PCDHA1: variants seen among roughly 807,000 people sequenced by gnomAD.
The protein encoded by PCDHA1 is protocadherin alpha 1.
In PCDHA1, 42 loss-of-function variants were observed where a neutral mutation model predicts 61.3. The ratio of observed to expected loss-of-function variants is 0.69; its 90% CI spans 0.54 to 0.89. The LOEUF (loss-of-function observed/expected upper bound fraction) is 0.89, where lower values mean the gene tolerates loss of function less well. PCDHA1 is among the 40% of genes least tolerant of loss of function. PCDHA1 has a pLI of 0.00. For synonymous variants in PCDHA1, 610 were observed against 553.8 expected (o/e 1.10, Z -1.43); for missense variants, 1,256 against 1,235.3 (o/e 1.02, Z -0.25).
At chr5:140,971,034 A>G (rs576529050) in intron 1 of PCDHA1, among the ~76,000 whole-genome samples, 1 of 152,202 alleles carries the variant, frequency 6.6e-6, no homozygotes, top group Non-Finnish European at 1.5e-5. Context: ...ATTTGAAAGC[A>G]CGTAAAAGGG....
At chr5:140,837,357 C>A (rs2150274946) in intron 1 of PCDHA1, among the ~76,000 whole-genome samples, 2 of 151,850 alleles carry the variant, frequency 1.3e-5, no homozygotes, top group Non-Finnish European at 2.9e-5. Context: ...GTTTAAATGG[C>A]AGTTTAATAG....
intron 3 of PCDHA1, among the ~76,000 whole-genome samples, chr5:141,005,648 G>A (rs1354125322): frequency 7.4e-6 from 1 of 135,988 alleles, no homozygotes; most frequent in Non-Finnish European, 1.5e-5. Flanking sequence ...CTTGCAGTGA[G>A]TCGAGATCGC....
At chr5:140,838,084 GT>G (rs1775513754) in intron 1 of PCDHA1, among the ~76,000 whole-genome samples, 1 of 31,456 alleles carries the variant, frequency 3.2e-5, no homozygotes, top group Non-Finnish European at 6.5e-5. Flanking sequence ...TATAGTGTGT[GT>G]GTGTGTGTGT....
intron 1 of PCDHA1, chr5:140,968,382 A>G: frequency 6.2e-7 from 1 of 1,614,050 alleles, no homozygotes; most frequent in Non-Finnish European, 8.5e-7. Flanking sequence ...TCCTTTGACT[A>G]TGAGAAGTTT....
intron 1 of PCDHA1, chr5:140,856,360 C>G: frequency 6.3e-7 from 1 of 1,598,550 alleles, no homozygotes; most frequent in Non-Finnish European, 8.6e-7. Flanking sequence ...GCAGCATCCA[C>G]CTGGAGGTGA....
At chr5:140,875,868 G>A (rs781927681) in intron 1 of PCDHA1, 3 of 1,614,210 alleles carry the variant, frequency 1.9e-6, no homozygotes, top group Non-Finnish European at 8.5e-7. Context: ...ACCCGCCGGT[G>A]TTCAGAGAAA....
chr5:140,939,488 T>C (rs1554212750), intron 1 of PCDHA1, among the ~76,000 whole-genome samples: 1 of 151,188 alleles, frequency 6.6e-6, no homozygotes, highest in Non-Finnish European at 1.5e-5. Flanking sequence ...AGAATGTTAA[T>C]TATAAATTCA....
At chr5:140,941,194 TCTTTCTTCC>T (rs781813612) in intron 1 of PCDHA1, among the ~76,000 whole-genome samples, 93 of 112,424 alleles carry the variant, frequency 8.3e-4, no homozygotes, top group South Asian at 2.2e-3. Flanking sequence ...TCTTTTTTTT[TCTTTCTTCC>T]TTTCTTTCTT....
chr5:140,843,522 C>A lies in PCDHA1; in HGVS notation c.2394+54838C>A, dbSNP rs1554140167. 1.9e-6 allele frequency: 3 copies of A among 1,595,678 alleles called. No individual in the cohort carries two copies. In the South Asian group the frequency reaches 3.3e-5, roughly 18 times the overall value. On this transcript the variant is annotated intron_variant, in intron 1 of 3. Transcript: ENST00000504120. ...CTGCCCACTGAGGGCGGGTGCCGGGCGGGCAAGCCCACTCTGGTGTGCTCC... is the reference window on the plus strand; with the variant it reads ...CTGCCCACTGAGGGCGGGTGCCGGGAGGGCAAGCCCACTCTGGTGTGCTCC...
At chr5:140,950,439 G>A (rs1448812695) in intron 1 of PCDHA1, among the ~76,000 whole-genome samples, 1 of 151,962 alleles carries the variant, frequency 6.6e-6, no homozygotes, top group Non-Finnish European at 1.5e-5. Context: ...TAAAAAAAAT[G>A]TTATTCTACT....
intron 3 of PCDHA1, among the ~76,000 whole-genome samples, chr5:140,986,690 A>G (rs2097209589): frequency 6.6e-6 from 1 of 152,172 alleles, no homozygotes; most frequent in African/African-American, 2.4e-5. Flanking sequence ...AAAGTTTCAA[A>G]ACACACAGCA....
chr5:140,832,765 T>C (rs2150203921), intron 1 of PCDHA1, among the ~76,000 whole-genome samples: 1 of 152,268 alleles, frequency 6.6e-6, no homozygotes, highest in East Asian at 1.9e-4. Context: ...GCAAGAATAT[T>C]GTAAGAGGTG....
intron 1 of PCDHA1, chr5:140,862,831 G>C (rs782083560): frequency 1.0e-5 from 6 of 572,658 alleles, no homozygotes; most frequent in African/African-American, 7.9e-5. Flanking sequence ...AGCGCGCGAC[G>C]CGGGCATGCC....
rs182752192 is a variant in PCDHA1 at position 140,839,718 on chromosome 5, T to A, written c.2394+51034T>A. ...TAAATAATGTGATGACAAATTTAAATCATTTCACAGAAAATACCCTTATTT... is the reference window on the plus strand; with the variant it reads ...TAAATAATGTGATGACAAATTTAAAACATTTCACAGAAAATACCCTTATTT... On this transcript the variant is annotated intron_variant, in intron 1 of 3. Transcript: ENST00000504120. Among the ~76,000 whole-genome samples the A allele has an allele frequency of 7.0e-4, 106 of 152,196 alleles. 2 individuals are homozygous for A. The highest frequency in any genetic ancestry group is 2.5e-3 in the African/African-American group (104 of 41,490).
chr5:140,909,493 G>A (rs989826667), intron 1 of PCDHA1, among the ~76,000 whole-genome samples: 2 of 152,184 alleles, frequency 1.3e-5, no homozygotes, highest in African/African-American at 4.8e-5. Context: ...AGAGCTGAAC[G>A]GGGATGTGGT....
At chr5:140,993,621 A>G (rs531527051) in intron 3 of PCDHA1, among the ~76,000 whole-genome samples, 7 of 152,190 alleles carry the variant, frequency 4.6e-5, no homozygotes, top group African/African-American at 1.7e-4. Flanking sequence ...GGGACCCTCT[A>G]TATATAGTCG....
At chr5:140,917,665 T>C (rs1174470921) in intron 1 of PCDHA1, among the ~76,000 whole-genome samples, 4 of 152,220 alleles carry the variant, frequency 2.6e-5, no homozygotes, top group African/African-American at 9.6e-5. Flanking sequence ...AGGAAGTCCT[T>C]TCTCCATTGC....
chr5:140,786,393 AT>A lies in PCDHA1; in HGVS notation c.104del (p.Ile35ThrfsTer43), dbSNP rs782133048. 1.9e-6 allele frequency: 3 copies of A among 1,613,590 alleles called. No individual in the cohort carries two copies. In the East Asian group the frequency reaches 6.7e-5, roughly 36 times the overall value. The stretch of plus-strand genomic sequence containing the variant: ...GGGGAGCGGCCAGCTCCACTACTCG[AT>A]CCCGGAGGAAGCCAAACACGGCACC... ...EVGSGQLHYSIPEEAKHGTFV... is the reference protein window; with the variant it reads ...EVGSGQLHYSXPEEAKHGTFV... On this transcript the variant is annotated frameshift_variant, in exon 1 of 4. Transcript: ENST00000504120. LOFTEE classifies it high-confidence loss of function.
intron 2 of PCDHA1, among the ~76,000 whole-genome samples, chr5:140,979,622 T>C (rs1300997272): frequency 6.6e-6 from 1 of 152,246 alleles, no homozygotes; most frequent in Non-Finnish European, 1.5e-5. Flanking sequence ...GGTATTAGTC[T>C]AAGACTCAGA....
Sources: gnomAD v4.1 joint callset for allele counts (sites outside exome capture counted in the v4.1 genomes callset) on GRCh38, gnomAD v4.1.1 for gene constraint, MANE v1.5 for transcripts, NCBI Gene and HGNC (gene_info 2026-07-23, HGNC 2026-07-21) for gene names.